The following CEP170B variants were observed in gnomAD, a reference collection of about 807,000 sequenced individuals.
The protein encoded by CEP170B is centrosomal protein of 170 kDa protein B.
A neutral mutation model predicts 120.6 loss-of-function variants in CEP170B; 55 were observed. The observed-to-expected ratio is 0.46, with a 90% confidence interval of 0.37 to 0.57. The LOEUF (loss-of-function observed/expected upper bound fraction) is 0.57. CEP170B is among the 20% of genes least tolerant of loss of function. The pLI, the probability that CEP170B is intolerant of heterozygous loss-of-function variation, is 0.00. For missense variants in CEP170B, 2,212 were observed against 2,253.3 expected (o/e 0.98, Z 0.37); for synonymous variants, 1,033 against 954.5 (o/e 1.08, Z -1.52).
At chr14:104,893,708 G>C in intron 15 of CEP170B, 42 bp downstream of exon 15, 1 of 1,585,464 alleles carries the variant, frequency 6.3e-7, no homozygotes, top group African/African-American at 1.3e-5. Flanking sequence ...TGTGGGGGGA[G>C]CAGGGGCGGG....
At position 104,883,435 on chromosome 14, in the gene CEP170B, G is replaced by A; in HGVS notation, c.978G>A (p.Leu326=). The A allele has an allele frequency of 2.6e-6, 4 of 1,566,358 alleles. No individual in the cohort carries two copies. The highest frequency in any genetic ancestry group is 3.5e-6 in the Non-Finnish European group (4 of 1,156,784). The change falls in exon 8 of 19, where the codon CTG becomes CTA. Residue 326 remains leucine, a synonymous_variant. Coordinates refer to ENST00000414716, the MANE Select transcript of CEP170B (RefSeq NM_001112726.3). ...TGGTGCAGAATGACCCGAGCCTGCT[G>A]CACCGGGTTGGCCCTGGGGATGACC... ...DWLVQNDPSL[L]HRVGPGDDRH...
chr14:104,884,695 G>T (rs1896366905), intron 9 of CEP170B, 146 bp downstream of exon 9: 1 of 365,364 alleles, frequency 2.7e-6, no homozygotes. Flanking sequence ...GGGAACGGGG[G>T]GTGGAGGTGA....
At position 104,887,622 on chromosome 14, in the gene CEP170B, G is replaced by A. The variant is rs553014433; in HGVS notation, c.3383G>A (p.Arg1128Gln). 69 of 1,570,500 alleles carry A rather than the reference G, an allele frequency of 4.4e-5. 2 individuals are homozygous for A. The South Asian group carries it at 6.4e-4, about 14-fold the overall frequency. Reference sequence around the variant, plus strand: ...CCCACACGGGCCTCCCGGCTGAGGCGGGCCCGGCTGGGGGACGCTTCAGAC... The same window carrying A: ...CCCACACGGGCCTCCCGGCTGAGGCAGGCCCGGCTGGGGGACGCTTCAGAC... ...PRPTRASRLRRARLGDASDTE... is the reference protein window; with the variant it reads ...PRPTRASRLRQARLGDASDTE... Residue 1128 changes from arginine to glutamine, a missense_variant, in exon 12 of 19, where the codon CGG (arginine) becomes CAG (glutamine). Arg to Gln is a conservative substitution (Grantham distance 43, BLOSUM62 1). Transcript: ENST00000414716.
At chr14:104,880,136 T>C in intron 5 of CEP170B, 151 bp from the exon 6 acceptor site, 1 of 1,109,520 alleles carries the variant, frequency 9.0e-7, no homozygotes, top group Non-Finnish European at 1.3e-6. Flanking sequence ...AGGCTGAGGC[T>C]CTGTCTGCTC....
Position 104,880,416 on chromosome 14 carries a change from C to T in CEP170B, c.463C>T (p.Pro155Ser), listed in dbSNP as rs1481044636. The T allele has an allele frequency of 1.2e-6, 2 of 1,612,262 alleles. No individual in the cohort carries two copies. Among genetic ancestry groups the T allele is most frequent in the East Asian group, 2.2e-5 (1 of 44,866 alleles). ...CAGGCCGGAGAAGGGGGACCGGAGA[C>T]CAGGAACAGGTAGGCCCAGGCAGTG... Reference protein sequence around the residue: ...NPRPEKGDRRPGTEAASYRTP... With the variant: ...NPRPEKGDRRSGTEAASYRTP... The change falls in exon 6 of 19, where the codon CCA becomes TCA. Residue 155 changes from proline (P) to serine (S), a missense_variant. Coordinates refer to ENST00000414716, the MANE Select transcript of CEP170B (RefSeq NM_001112726.3).
Position 104,894,717 on chromosome 14 carries a change from A to G in CEP170B, c.4424A>G (p.Asn1475Ser), listed in dbSNP as rs199553262. 3.7e-4 allele frequency: 577 copies of G among 1,580,788 alleles called. No homozygotes were observed. The highest frequency in any genetic ancestry group is 5.1e-4 in the Middle Eastern group (3 of 5,922). ...CCTCCCTCCCCACCTCCAGTTATCAATGCCATCGTGGACCCCAGTGGGAGC... is the reference window on the plus strand; with the variant it reads ...CCTCCCTCCCCACCTCCAGTTATCAGTGCCATCGTGGACCCCAGTGGGAGC... ...RRVQKQLEVI[N>S]AIVDPSGSLD... Residue 1475 changes from asparagine (N) to serine (S), a missense_variant, in exon 19 of 19, where the codon AAT (asparagine) becomes AGT (serine). This residue lies in a region of CEP170B where 2,166 missense variants were observed against 2,166.7 expected (regional missense o/e 1.00). Transcript: ENST00000414716.
Position 104,870,373 on chromosome 14 carries a change from C to A in CEP170B, c.105+1818C>A, listed in dbSNP as rs2140622956. On this transcript the variant is annotated intron_variant, in intron 2 of 18. Coordinates refer to ENST00000414716, the MANE Select transcript of CEP170B (RefSeq NM_001112726.3). The surrounding 1 kb of genome is among the most constrained non-coding windows in gnomAD (Gnocchi z 4.1). ...AAGCCATCTAAAGACAGGCGGCAGGCCATAGGCCACGCCCCACATACCCCA... is the reference window on the plus strand; with the variant it reads ...AAGCCATCTAAAGACAGGCGGCAGGACATAGGCCACGCCCCACATACCCCA... Among the ~76,000 whole-genome samples, 1 of 152,340 alleles carries A rather than the reference C, an allele frequency of 6.6e-6. No homozygotes were observed. The highest frequency in any genetic ancestry group is 3.4e-3 in the Middle Eastern group (1 of 294).
At position 104,891,501 on chromosome 14, in the gene CEP170B, T is replaced by G. The variant is rs1312433493; in HGVS notation, c.3879-1475T>G. On this transcript the variant is annotated intron_variant, in intron 13 of 18. Coordinates refer to ENST00000414716, the MANE Select transcript of CEP170B (RefSeq NM_001112726.3). This position sits in a 1 kb window ranked among gnomAD's most constrained non-coding sequence, Gnocchi z 4.3. ...ACCTGAGGCTGTGAGCAGCATGAAGTTGGTGGGGAGGACCTGGGGGGCTTG... is the reference window on the plus strand; with the variant it reads ...ACCTGAGGCTGTGAGCAGCATGAAGGTGGTGGGGAGGACCTGGGGGGCTTG... Among the ~76,000 whole-genome samples, 1 of 151,712 alleles carries G rather than the reference T, an allele frequency of 6.6e-6. No individual in the cohort carries two copies. Among genetic ancestry groups the G allele is most frequent in the Non-Finnish European group, 1.5e-5 (1 of 67,892 alleles).
chr14:104,894,392 C>T lies in CEP170B; in HGVS notation c.4365+14C>T, dbSNP rs1566876643. The T allele has an allele frequency of 6.2e-7, 1 of 1,611,242 alleles. No homozygotes were observed. The highest frequency in any genetic ancestry group is 8.5e-7 in the Non-Finnish European group (1 of 1,178,044). The stretch of plus-strand genomic sequence containing the variant: ...ACATCTAACAAGGTGAGCGCTGGGG[C>T]CCCGTGCCCCTTGGCCTGCCCCCAG... On this transcript the variant is annotated intron_variant, in intron 17 of 18. Coordinates refer to ENST00000414716, the MANE Select transcript of CEP170B (RefSeq NM_001112726.3).
rs1193397840 is a variant in CEP170B, at chr14:104,883,156, C to G, written c.699C>G (p.Thr233=). ...ACTTCGAGATCCCCACGAAGGAGAC[C>G]CCGCAGCCGTCGCAGCCCCCCGAGG... The part of the protein sequence containing the change: ...PSYFEIPTKE[T]PQPSQPPEVP... Residue 233 remains threonine (T), a synonymous_variant, in exon 8 of 19, where the codon ACC becomes ACG. Transcript: ENST00000414716. 1 of 1,608,296 alleles carries G rather than the reference C, an allele frequency of 6.2e-7. No individual in the cohort carries two copies. The highest frequency in any genetic ancestry group is 2.2e-5 in the East Asian group (1 of 44,758).
intron 13 of CEP170B, among the ~76,000 whole-genome samples, 182 bp downstream of exon 13, chr14:104,889,940 G>A (rs1349867573): frequency 2.4e-5 from 2 of 81,798 alleles, no homozygotes; most frequent in South Asian, 4.5e-4. Flanking sequence ...ATGGATGGAT[G>A]GATGGATGGA....
intron 18 of CEP170B, 32 bp downstream of exon 18, chr14:104,894,620 G>A (rs1896997914): frequency 6.2e-7 from 1 of 1,605,520 alleles, no homozygotes; most frequent in African/African-American, 1.3e-5. Flanking sequence ...GGCAGCAAGG[G>A]AGGCTGGCAG....
intron 9 of CEP170B, 61 bp from the exon 10 acceptor site, chr14:104,885,308 T>G (rs1469260935): frequency 1.4e-6 from 2 of 1,469,966 alleles, no homozygotes; most frequent in Admixed American, 2.6e-5. Flanking sequence ...CCAGTGTCAG[T>G]GGAGGGTTGG....
At chr14:104,883,600 A>G (rs1473811533) in intron 8 of CEP170B, 92 bp downstream of exon 8, 6 of 1,338,202 alleles carry the variant, frequency 4.5e-6, no homozygotes, top group Non-Finnish European at 6.0e-6. Flanking sequence ...AGAGGGGCCC[A>G]TTCAGCTGGG....
Position 104,896,341 on chromosome 14 carries a change from G to A in CEP170B, c.*1383G>A, listed in dbSNP as rs953102467. ...CGTGTGTGTGTGAGGGGGGGCGGGG[G>A]TGGCAGGTGTCCCCCCCTGGTCCCC... On this transcript the variant is annotated 3_prime_UTR_variant, in exon 19 of 19. Coordinates refer to ENST00000414716, the MANE Select transcript of CEP170B (RefSeq NM_001112726.3). 1.1e-4 allele frequency: 36 copies of A among 339,028 alleles called. No individual in the cohort carries two copies. Among genetic ancestry groups the A allele is most frequent in the African/African-American group, 7.3e-4 (34 of 46,486 alleles). The allele number at this position is 339,028 out of a possible 1,614,324, so 21.0% of individuals were successfully genotyped here.
At chr14:104,869,029 C>T (rs1359778053) in intron 2 of CEP170B, among the ~76,000 whole-genome samples, 1 of 152,158 alleles carries the variant, frequency 6.6e-6, no homozygotes, top group Non-Finnish European at 1.5e-5. Context: ...AGGCTAGTGC[C>T]TTTTGGCGGC....
chr14:104,869,499 A>G (rs1020641165), intron 2 of CEP170B, among the ~76,000 whole-genome samples: 1 of 152,150 alleles, frequency 6.6e-6, no homozygotes, highest in African/African-American at 2.4e-5. Flanking sequence ...CCTGGGGCAG[A>G]CAGTGTTTGT....
intron 6 of CEP170B, among the ~76,000 whole-genome samples, chr14:104,881,281 G>A (rs576806998): frequency 6.6e-6 from 1 of 152,232 alleles, no homozygotes; most frequent in South Asian, 2.1e-4. Context: ...GGTGGGGTGT[G>A]GAGGGGTCGG....
In CEP170B at chr14:104,893,685, C is replaced by T. The variant is rs772631187; in HGVS notation, c.4182+19C>T. 4.0e-5 allele frequency: 64 copies of T among 1,583,384 alleles called. No individual in the cohort carries two copies. The highest frequency in any genetic ancestry group is 5.4e-5 in the Non-Finnish European group (63 of 1,166,120). ...AGAGGAGGCACGGTGCCCACTACCG[C>T]CACGGAGCTGGGTGTGGGGGGAGCA... On this transcript the variant is annotated intron_variant, in intron 15 of 18. Transcript: ENST00000414716.
Sources: allele counts gnomAD v4.1 joint callset (sites outside exome capture counted in the v4.1 genomes callset), GRCh38; gene constraint gnomAD v4.1.1; regional missense constraint gnomAD v4.1.1; non-coding constraint Gnocchi (gnomAD v3.1); transcripts MANE v1.5; gene names NCBI Gene and HGNC (gene_info 2026-07-23, HGNC 2026-07-21).